HDAC9: variants seen among roughly 807,000 people sequenced by gnomAD.
HDAC9 encodes the protein histone deacetylase 9, also known as MEF-2 interacting transcription repressor (MITR) protein.
A neutral mutation model predicts 139.4 loss-of-function variants in HDAC9; 41 were observed. That is an observed-to-expected ratio of 0.29 (90% confidence interval 0.23 to 0.38). HDAC9 has a LOEUF of 0.38. Among genes scored for constraint, HDAC9 ranks in the 10% least tolerant of loss-of-function variants. HDAC9 has a pLI of 1.00. For missense variants in HDAC9, 1,147 were observed against 1,297.0 expected, an observed-to-expected ratio of 0.88 and a Z score of 1.78; for synonymous variants, 517 against 476.2, an observed-to-expected ratio of 1.09 and a Z score of -1.12.
At chr7:18,359,372 G>A (rs1038649918) in intron 1 of HDAC9, among the ~76,000 whole-genome samples, 19 of 152,164 alleles carry the variant, frequency 1.2e-4, no homozygotes, top group African/African-American at 3.9e-4. Context: ...AAATTAAATA[G>A]TAAATTGTGG....
At chr7:18,273,940 T>G (rs928281484) in intron 2 of HDAC9, among the ~76,000 whole-genome samples, 2 of 152,146 alleles carry the variant, frequency 1.3e-5, no homozygotes, top group African/African-American at 4.8e-5. Flanking sequence ...TCACCAGGTG[T>G]TAGTGAAGAT....
intron 16 of HDAC9, among the ~76,000 whole-genome samples, chr7:18,789,021 C>T (rs902002725): frequency 1.3e-5 from 2 of 152,194 alleles, no homozygotes; most frequent in Admixed American, 6.5e-5. Context: ...GGTCTCTACT[C>T]TGAATCATTC....
At chr7:18,786,695 C>A (rs73080842) in intron 16 of HDAC9, among the ~76,000 whole-genome samples, 74,220 of 106,308 alleles carry the variant, frequency 0.7, 28,258 homozygotes, top group Non-Finnish European at 0.82. Context: ...CTCACATATC[C>A]CTTTCTGTGT....
chr7:18,869,482 T>G (rs1798751296), intron 21 of HDAC9, among the ~76,000 whole-genome samples: 1 of 152,114 alleles, frequency 6.6e-6, no homozygotes, highest in Non-Finnish European at 1.5e-5. Context: ...GATGCCAGCA[T>G]CATGCTTCCT....
intron 1 of HDAC9, among the ~76,000 whole-genome samples, chr7:18,322,661 G>T (rs909415046): frequency 3.9e-5 from 6 of 152,182 alleles, no homozygotes; most frequent in African/African-American, 1.4e-4. Flanking sequence ...ATTGGCAGGG[G>T]CATCCAAGGT....
chr7:18,720,087 T>C (rs2129123279), intron 12 of HDAC9, among the ~76,000 whole-genome samples: 1 of 152,286 alleles, frequency 6.6e-6, no homozygotes, highest in South Asian at 2.1e-4. Flanking sequence ...CTTCTTCCTA[T>C]ATTAGGATAT....
chr7:18,623,324 T>G (rs979448430), intron 6 of HDAC9, among the ~76,000 whole-genome samples: 2 of 152,172 alleles, frequency 1.3e-5, no homozygotes, highest in Admixed American at 6.5e-5. Flanking sequence ...TTAAGTACAC[T>G]GAGTCAAAGT....
intron 2 of HDAC9, chr7:18,517,587 C>T (rs563098336): frequency 6.6e-6 from 1 of 152,246 alleles, no homozygotes; most frequent in Non-Finnish European, 1.5e-5. Context: ...CATCATATAC[C>T]AACTTTGTTA....
chr7:18,872,756 A>G (rs1323230766), intron 21 of HDAC9, among the ~76,000 whole-genome samples: 1 of 152,124 alleles, frequency 6.6e-6, no homozygotes, highest in African/African-American at 2.4e-5. Context: ...ATGGGTAGAG[A>G]GAAGCCTTTA....
chr7:18,902,685 GAT>G (rs1801840279), intron 22 of HDAC9, among the ~76,000 whole-genome samples: 1 of 152,132 alleles, frequency 6.6e-6, no homozygotes, highest in Non-Finnish European at 1.5e-5. Context: ...CTTACCTCAG[GAT>G]ATCTTGTTGG....
At chr7:18,092,923 C>T (rs980333246) in intron 1 of HDAC9, among the ~76,000 whole-genome samples, 85 of 152,290 alleles carry the variant, frequency 5.6e-4, no homozygotes, top group African/African-American at 1.9e-3. Flanking sequence ...ATATATTCCA[C>T]GCATGAAAGA....
intron 1 of HDAC9, among the ~76,000 whole-genome samples, chr7:18,487,974 G>A (rs1696325830): frequency 6.6e-6 from 1 of 151,976 alleles, no homozygotes; most frequent in Non-Finnish European, 1.5e-5. Flanking sequence ...AGAATTTTTG[G>A]TGTTCAGAAT....
chr7:18,456,600 A>C (rs1383682490), intron 1 of HDAC9, among the ~76,000 whole-genome samples: 3 of 152,098 alleles, frequency 2.0e-5, no homozygotes, highest in African/African-American at 7.2e-5. Context: ...AACCTGAAAA[A>C]CAGTTGATGG....
At chr7:18,355,835 A>G (rs1401850125) in intron 1 of HDAC9, among the ~76,000 whole-genome samples, 1 of 152,152 alleles carries the variant, frequency 6.6e-6, no homozygotes, top group Non-Finnish European at 1.5e-5. Context: ...TTTAATTCTA[A>G]ACTTCTCTGT....
upstream of HDAC9, among the ~76,000 whole-genome samples, chr7:18,287,636 T>G (rs990949705): frequency 5.3e-5 from 8 of 152,254 alleles, no homozygotes; most frequent in African/African-American, 1.9e-4. Context: ...ACAGTTGGCC[T>G]TAGCCAGCCA....
chr7:18,092,371 C>A (rs1208998281), intron 1 of HDAC9, among the ~76,000 whole-genome samples: 4 of 151,528 alleles, frequency 2.6e-5, no homozygotes, highest in African/African-American at 4.9e-5. Context: ...GCCTGGGCAA[C>A]ACAGTAAGAC....
rs1237647455 is a variant in HDAC9 at position 18,910,823 on chromosome 7, T to A, written c.2804-24986T>A. On this transcript the variant is annotated intron_variant, in intron 22 of 25. Transcript: ENST00000686413. ...ACTTGATCATGGTGTATAATCTTTT[T>A]AATATGCTTTTGTATTCATTTTGCT... Among the ~76,000 whole-genome samples, 5 of 152,156 alleles carry A rather than the reference T, an allele frequency of 3.3e-5. No homozygotes were observed. The East Asian group carries it at 9.7e-4, about 29-fold the overall frequency.
At chr7:18,540,006 C>A (rs866682941) in intron 2 of HDAC9, among the ~76,000 whole-genome samples, 2 of 151,028 alleles carry the variant, frequency 1.3e-5, no homozygotes, top group Middle Eastern at 3.4e-3. Flanking sequence ...GTCTGTAATC[C>A]CAGCACCTTG....
intron 1 of HDAC9, among the ~76,000 whole-genome samples, chr7:18,322,166 A>T (rs1800076646): frequency 6.6e-6 from 1 of 152,202 alleles, no homozygotes; most frequent in Non-Finnish European, 1.5e-5. Context: ...ATTTAGCAGC[A>T]TTAAACACTG....
Sources: allele counts gnomAD v4.1 joint callset (sites outside exome capture counted in the v4.1 genomes callset), GRCh38; gene constraint gnomAD v4.1.1; transcripts MANE v1.5; gene names NCBI Gene and HGNC (gene_info 2026-07-23, HGNC 2026-07-21).